Variants in SPMAP2L observed in about 807,000 individuals in gnomAD.
SPMAP2L encodes the protein sperm microtubule associated protein 2-like.
At chr4:56,581,152 C>T in the SPMAP2L span, among the ~76,000 whole-genome samples, 1 of 151,474 alleles carries the variant, frequency 6.6e-6, no homozygotes. Context: ...TCATTTTCTA[C>T]TAAAAATAAA....
the SPMAP2L span, chr4:56,559,295 G>C: frequency 2.0e-6 from 2 of 1,012,578 alleles, no homozygotes; most frequent in African/African-American, 4.6e-5. Context: ...AACAGAGCAA[G>C]ACTGTCTCAA....
chr4:56,608,227 A>G, the SPMAP2L span, among the ~76,000 whole-genome samples: 2 of 152,178 alleles, frequency 1.3e-5, no homozygotes, highest in Non-Finnish European at 2.9e-5. Context: ...ACTGCTTGTA[A>G]TAAAATGTGA....
chr4:56,595,844 G>A, the SPMAP2L span, among the ~76,000 whole-genome samples: 1 of 152,190 alleles, frequency 6.6e-6, no homozygotes, highest in Admixed American at 6.5e-5. Flanking sequence ...GTATATCTCT[G>A]TAATCTCTGT....
chr4:56,552,549 T>C, the SPMAP2L span: 1 of 1,503,408 alleles, frequency 6.7e-7, no homozygotes, highest in Non-Finnish European at 8.9e-7. Flanking sequence ...TATTTGTTAG[T>C]TTTTCTTCTA....
the SPMAP2L span, among the ~76,000 whole-genome samples, chr4:56,599,632 T>C: frequency 6.6e-6 from 1 of 152,196 alleles, no homozygotes; most frequent in Non-Finnish European, 1.5e-5. Flanking sequence ...CAACTCCTTC[T>C]TATGAGTGAG....
the SPMAP2L span, among the ~76,000 whole-genome samples, chr4:56,557,389 T>G: frequency 6.6e-6 from 1 of 151,936 alleles, no homozygotes; most frequent in Non-Finnish European, 1.5e-5. Flanking sequence ...GAAAGATGGA[T>G]CCTATGAGGA....
At chr4:56,573,633 C>T in the SPMAP2L span, among the ~76,000 whole-genome samples, 96 of 152,224 alleles carry the variant, frequency 6.3e-4, 1 homozygote, top group African/African-American at 2.1e-3. Context: ...TTTCTAATTC[C>T]CAAACTGAAC....
At chr4:56,575,605 C>T in the SPMAP2L span, 17 of 1,535,330 alleles carry the variant, frequency 1.1e-5, no homozygotes, top group Non-Finnish European at 5.2e-6. Flanking sequence ...GAGGCTGTCA[C>T]AGCCCAATGG....
chr4:56,623,446 C>T, the SPMAP2L span, among the ~76,000 whole-genome samples: 2 of 152,068 alleles, frequency 1.3e-5, no homozygotes, highest in Non-Finnish European at 1.5e-5. Context: ...GCAATGAGGC[C>T]AAGAGCCTTC....
At chr4:56,578,246 TA>T in the SPMAP2L span, among the ~76,000 whole-genome samples, 1 of 152,090 alleles carries the variant, frequency 6.6e-6, no homozygotes, top group Admixed American at 6.5e-5. Flanking sequence ...TAGAGCTATA[TA>T]GGAGCAAAGT....
the SPMAP2L span, among the ~76,000 whole-genome samples, chr4:56,554,610 T>G: frequency 2.0e-5 from 3 of 152,202 alleles, no homozygotes; most frequent in African/African-American, 7.2e-5. Context: ...CAGTCTATGG[T>G]TTAGCTTTTC....
the SPMAP2L span, among the ~76,000 whole-genome samples, chr4:56,610,475 A>T: frequency 6.6e-6 from 1 of 152,236 alleles, no homozygotes; most frequent in Non-Finnish European, 1.5e-5. Context: ...TAAATCTAAG[A>T]CCTGACACTA....
chr4:56,564,743 T>A, the SPMAP2L span, among the ~76,000 whole-genome samples: 1 of 152,202 alleles, frequency 6.6e-6, no homozygotes, highest in Non-Finnish European at 1.5e-5. Flanking sequence ...TAGTTTCTTA[T>A]GATGGAAACT....
chr4:56,592,997 A>G, the SPMAP2L span: 1 of 1,602,652 alleles, frequency 6.2e-7, no homozygotes, highest in East Asian at 2.2e-5. Context: ...TGTTTGTGAA[A>G]ATGAAATCCT....
the SPMAP2L span, among the ~76,000 whole-genome samples, chr4:56,577,212 C>T: frequency 7.3e-5 from 11 of 151,364 alleles, no homozygotes; most frequent in Non-Finnish European, 1.3e-4. Context: ...TGAGACCAGC[C>T]TGGCCAACAT....
the SPMAP2L span, among the ~76,000 whole-genome samples, chr4:56,567,459 T>TG: frequency 6.3e-4 from 90 of 143,432 alleles, 1 homozygote; most frequent in African/African-American, 2.3e-3. Context: ...TTTTTTTTTT[T>TG]TTTTTTTTTT....
chr4:56,562,355 TAA>T, the SPMAP2L span, among the ~76,000 whole-genome samples: 2 of 145,026 alleles, frequency 1.4e-5, no homozygotes, highest in Non-Finnish European at 1.5e-5. Context: ...TTTTGCCCTT[TAA>T]AAAAAAAAAG....
the SPMAP2L span, among the ~76,000 whole-genome samples, chr4:56,576,034 AT>A: frequency 1.3e-5 from 2 of 152,164 alleles, no homozygotes; most frequent in Non-Finnish European, 2.9e-5. Flanking sequence ...TAGGTGGTAC[AT>A]TTTCCATGGG....
chr4:56,601,087 G>C, the SPMAP2L span: 2 of 1,534,812 alleles, frequency 1.3e-6, no homozygotes, highest in Non-Finnish European at 1.7e-6. Flanking sequence ...TAGGATTCAG[G>C]AACTAGCTAA....
Sources: allele counts gnomAD v4.1 joint callset (sites outside exome capture counted in the v4.1 genomes callset), GRCh38; gene constraint gnomAD v4.1.1; transcripts MANE v1.5; gene names NCBI Gene and HGNC (gene_info 2026-07-23, HGNC 2026-07-21).